Variants in FAM107B observed in about 807,000 individuals in gnomAD.
FAM107B encodes the protein protein FAM107B.
A neutral mutation model predicts 31.5 loss-of-function variants in FAM107B; 21 were observed. The ratio of observed to expected loss-of-function variants is 0.67; its 90% confidence interval spans 0.47 to 0.96. The LOEUF is 0.96. Ranked by LOEUF, FAM107B falls within the 40% of genes least tolerant of loss-of-function variation. FAM107B has a pLI of 0.00. For missense variants in FAM107B, 452 were observed against 377.1 expected, an observed-to-expected ratio of 1.20 and a Z score of -1.64; for synonymous variants, 157 against 141.5, an observed-to-expected ratio of 1.11 and a Z score of -0.78.
At chr10:14,746,763 C>A (rs1832733963) in intron 1 of FAM107B, among the ~76,000 whole-genome samples, 1 of 152,096 alleles carries the variant, frequency 6.6e-6, no homozygotes, top group South Asian at 2.1e-4. Context: ...AATCTGATGA[C>A]TGTGTGTCTT....
At chr10:14,712,379 T>C (rs1588722700) in intron 1 of FAM107B, among the ~76,000 whole-genome samples, 1 of 151,886 alleles carries the variant, frequency 6.6e-6, no homozygotes. Flanking sequence ...TCATTTGAGG[T>C]TGGCAGTTCA....
At chr10:14,741,084 T>G (rs1856425730) in intron 1 of FAM107B, among the ~76,000 whole-genome samples, 1 of 151,990 alleles carries the variant, frequency 6.6e-6, no homozygotes, top group African/African-American at 2.4e-5. Context: ...AGCACTGGGA[T>G]GGGGCTCCCC....
intron 2 of FAM107B, among the ~76,000 whole-genome samples, chr10:14,574,138 T>C (rs1446519004): frequency 5.9e-5 from 9 of 152,210 alleles, no homozygotes; most frequent in African/African-American, 1.9e-4. Flanking sequence ...CTACTGAATA[T>C]GCATGCCACC....
At chr10:14,722,976 G>T (rs1046056728) in intron 1 of FAM107B, among the ~76,000 whole-genome samples, 1 of 152,062 alleles carries the variant, frequency 6.6e-6, no homozygotes, top group Admixed American at 6.6e-5. Context: ...GATATATTTG[G>T]GGGTTAATTT....
Position 14,667,656 on chromosome 10 carries a change from C to T in FAM107B, c.447G>A (p.Glu149=), listed in dbSNP as rs760735430. ...EEFREEPKCL[E]LEQKMTSDSP... ...TACCTGATGTCATTTTCTGCTCCAGCTCGAGGCATTTAGGTTCTTCTCGAA... is the reference window on the plus strand; with the variant it reads ...TACCTGATGTCATTTTCTGCTCCAGTTCGAGGCATTTAGGTTCTTCTCGAA... Residue 149 remains glutamate, a synonymous_variant, in exon 2 of 5, where the codon GAG becomes GAA. Coordinates refer to ENST00000181796, the MANE Select transcript of FAM107B (RefSeq NM_031453.4). 12 of 1,614,140 alleles carry T rather than the reference C, an allele frequency of 7.4e-6. No homozygotes were observed. Among genetic ancestry groups the T allele is most frequent in the Admixed American group, 1.7e-5 (1 of 60,012 alleles).
chr10:14,615,343 A>G (rs1852824077), intron 2 of FAM107B, among the ~76,000 whole-genome samples: 1 of 152,204 alleles, frequency 6.6e-6, no homozygotes. Context: ...AAACAAAAAA[A>G]AAGGCAGAAA....
intron 1 of FAM107B, among the ~76,000 whole-genome samples, chr10:14,692,922 T>G (rs117457610): frequency 6.6e-6 from 1 of 152,238 alleles, no homozygotes; most frequent in Non-Finnish European, 1.5e-5. Flanking sequence ...TTATAGATCT[T>G]ATAGCTAGAA....
intron 2 of FAM107B, among the ~76,000 whole-genome samples, chr10:14,638,225 T>G (rs1202301493): frequency 3.3e-5 from 5 of 152,214 alleles, no homozygotes; most frequent in African/African-American, 1.2e-4. Flanking sequence ...TTCTATTATT[T>G]TCTTTAACAA....
intron 2 of FAM107B, among the ~76,000 whole-genome samples, chr10:14,608,373 A>T (rs1452854741): frequency 1.3e-5 from 2 of 152,188 alleles, no homozygotes; most frequent in Admixed American, 6.5e-5. Context: ...ATCGCCTCAA[A>T]ACTTTAGTGG....
intron 1 of FAM107B, among the ~76,000 whole-genome samples, chr10:14,671,347 AG>A (rs1854536027): frequency 6.6e-6 from 1 of 152,178 alleles, no homozygotes; most frequent in African/African-American, 2.4e-5. Flanking sequence ...TGAGTAAAAC[AG>A]GGTTTTATTG....
chr10:14,629,407 TTAATATATA>T (rs1564606748), intron 2 of FAM107B, among the ~76,000 whole-genome samples: 11 of 21,842 alleles, frequency 5.0e-4, no homozygotes, highest in African/African-American at 8.2e-4. Flanking sequence ...TATTATATAT[TTAATATATA>T]TAATATATAT....
At chr10:14,582,828 A>G (rs1032722230) in intron 2 of FAM107B, among the ~76,000 whole-genome samples, 6 of 152,116 alleles carry the variant, frequency 3.9e-5, no homozygotes, top group Non-Finnish European at 8.8e-5. Context: ...GCTTACGCCT[A>G]TAATCCCAGC....
At chr10:14,579,540 G>A (rs370789489) in intron 2 of FAM107B, among the ~76,000 whole-genome samples, 1 of 152,222 alleles carries the variant, frequency 6.6e-6, no homozygotes, top group East Asian at 1.9e-4. Flanking sequence ...TTGCAACCCT[G>A]GGCTTTATCA....
Position 14,523,609 on chromosome 10 carries a change from C to T in FAM107B, c.654-1590G>A, listed in dbSNP as rs547566030. 1.1e-3 allele frequency among the ~76,000 whole-genome samples: 164 copies of T among 152,316 alleles called. 1 individual carries two copies. Among genetic ancestry groups the T allele is most frequent in the African/African-American group, 3.5e-3 (146 of 41,582 alleles). On this transcript the variant is annotated intron_variant, in intron 3 of 4. Coordinates refer to ENST00000181796, the MANE Select transcript of FAM107B (RefSeq NM_031453.4). Reference sequence around the variant, plus strand: ...GACTCCTATCAACTACCGTGACTAACCAACTAGGAGTCATCTGAGCAACTG... The same window carrying T: ...GACTCCTATCAACTACCGTGACTAATCAACTAGGAGTCATCTGAGCAACTG...
At chr10:14,711,058 C>A (rs1351227533) in intron 1 of FAM107B, among the ~76,000 whole-genome samples, 2 of 152,138 alleles carry the variant, frequency 1.3e-5, no homozygotes, top group East Asian at 3.9e-4. Flanking sequence ...GACTACAGGC[C>A]TACCACCACG....
chr10:14,618,287 A>C (rs530422220), intron 2 of FAM107B, among the ~76,000 whole-genome samples: 1 of 152,224 alleles, frequency 6.6e-6, no homozygotes, highest in Admixed American at 6.5e-5. Flanking sequence ...TGTTTATCTC[A>C]GTTTATCCAT....
chr10:14,556,275 C>T (rs969006670), intron 2 of FAM107B: 1 of 876,912 alleles, frequency 1.1e-6, no homozygotes, highest in East Asian at 1.2e-4. Context: ...GACTGGAAGG[C>T]CAGTAATTTG....
chr10:14,686,221 T>C (rs959673709), intron 1 of FAM107B, among the ~76,000 whole-genome samples: 2 of 152,102 alleles, frequency 1.3e-5, no homozygotes, highest in African/African-American at 4.8e-5. Flanking sequence ...AAACCCCGTC[T>C]CTACTACAAA....
At chr10:14,686,210 G>C (rs1854982909) in intron 1 of FAM107B, among the ~76,000 whole-genome samples, 1 of 152,070 alleles carries the variant, frequency 6.6e-6, no homozygotes, top group Non-Finnish European at 1.5e-5. Context: ...CAAACATGGT[G>C]AAACCCCGTC....
Sources: gnomAD v4.1 joint callset for allele counts (sites outside exome capture counted in the v4.1 genomes callset) on GRCh38, gnomAD v4.1.1 for gene constraint, MANE v1.5 for transcripts, NCBI Gene and HGNC (gene_info 2026-07-23, HGNC 2026-07-21) for gene names.